Variants in RCN1 observed in about 807,000 individuals in gnomAD.
The protein encoded by RCN1 is reticulocalbin-1.
In RCN1, 14 loss-of-function variants were observed where a neutral mutation model predicts 34.7. The ratio of observed to expected loss-of-function variants is 0.40; its 90% CI spans 0.27 to 0.63. The LOEUF (loss-of-function observed/expected upper bound fraction) is 0.63, where lower values mean the gene tolerates loss of function less well. RCN1 is among the 30% of genes least tolerant of loss of function. The pLI is 0.37. For missense variants in RCN1, 326 were observed against 425.1 expected, an observed-to-expected ratio of 0.77 and a Z score of 2.05; for synonymous variants, 125 against 165.5, an observed-to-expected ratio of 0.76 and a Z score of 1.88.
At chr11:32,091,571 T>C in intron 1 of RCN1, 121 bp downstream of exon 1, 3 of 1,311,338 alleles carry the variant, frequency 2.3e-6, no homozygotes, top group South Asian at 1.5e-5. Flanking sequence ...GCCTCGAGGA[T>C]GGGGCCCTGC....
At chr11:32,100,671 GTC>G (rs1852027548) in intron 4 of RCN1, 63 bp downstream of exon 4, 4 of 1,334,734 alleles carry the variant, frequency 3.0e-6, no homozygotes, top group Non-Finnish European at 4.3e-6. Context: ...CCACCCACAC[GTC>G]TGGCTACTTT....
chr11:32,091,176 G>C lies in RCN1; in HGVS notation c.-21G>C. ...GTCGCTCGCTCAGCGTCTCCCTCTC[G>C]GCCGCCCTCTCCTCGGGACGATGGC... On this transcript the variant is annotated 5_prime_UTR_variant, in exon 1 of 6. Transcript: ENST00000054950. 2.1e-6 allele frequency: 3 copies of C among 1,402,466 alleles called. No homozygotes were observed. Among genetic ancestry groups the C allele is most frequent in the Non-Finnish European group, 2.8e-6 (3 of 1,084,838 alleles). The allele number at this position is 1,402,466 out of a possible 1,614,324, so 86.9% of individuals were successfully genotyped here.
Position 32,104,365 on chromosome 11 carries a change from G to A in RCN1, c.889G>A (p.Asp297Asn). The A allele has an allele frequency of 1.3e-6, 2 of 1,554,850 alleles. No individual in the cohort carries two copies. The highest frequency in any genetic ancestry group is 1.8e-6 in the Non-Finnish European group (2 of 1,126,392). Residue 297 changes from aspartate to asparagine, a missense_variant and splice_region_variant, in exon 6 of 6, where the codon GAT (aspartate) becomes AAT (asparagine). Transcript: ENST00000054950. ...HLVYESDKNK[D>N]EKLTKEEILE... is the part of the protein sequence containing the mutation. ...CAGTGCTCTTTGATCTCTTCTATAG[G>A]ATGAGAAGCTAACTAAAGAGGAAAT...
At chr11:32,099,928 G>A (rs1257767454) in intron 3 of RCN1, among the ~76,000 whole-genome samples, 4 of 152,268 alleles carry the variant, frequency 2.6e-5, no homozygotes, top group South Asian at 4.2e-4. Flanking sequence ...CTTTGGGAGT[G>A]GCTCTCTGCT....
At chr11:32,103,521 A>C (rs754445388) in intron 5 of RCN1, 41 bp downstream of exon 5, 8 of 1,554,800 alleles carry the variant, frequency 5.1e-6, no homozygotes, top group Non-Finnish European at 7.1e-6. Flanking sequence ...GAAGGGAGAC[A>C]GTTTACATAA....
At chr11:32,096,631 T>A (rs192797203) in intron 1 of RCN1, 282 of 152,518 alleles carry the variant, frequency 1.8e-3, no homozygotes, top group Middle Eastern at 6.8e-3. Flanking sequence ...ATCTTTTGAT[T>A]TACATACAGT....
At chr11:32,097,534 A>G (rs1348990651) in intron 2 of RCN1, among the ~76,000 whole-genome samples, 197 bp downstream of exon 2, 2 of 152,108 alleles carry the variant, frequency 1.3e-5, no homozygotes, top group African/African-American at 4.8e-5. Context: ...TACAGGTGGG[A>G]GGGAAGGGCT....
chr11:32,092,952 T>C (rs535972320), intron 1 of RCN1, among the ~76,000 whole-genome samples: 2 of 152,338 alleles, frequency 1.3e-5, no homozygotes, highest in Non-Finnish European at 1.5e-5. Flanking sequence ...CAAAGTCACC[T>C]CCAAACAATT....
intron 2 of RCN1, among the ~76,000 whole-genome samples, chr11:32,098,130 G>C (rs906322031): frequency 6.6e-6 from 1 of 152,200 alleles, no homozygotes; most frequent in Admixed American, 6.5e-5. Context: ...TTAACCACTT[G>C]CAGTAATTCC....
At chr11:32,098,725 T>C (rs2133475490) in intron 3 of RCN1, among the ~76,000 whole-genome samples, 197 bp downstream of exon 3, 1 of 152,246 alleles carries the variant, frequency 6.6e-6, no homozygotes, top group East Asian at 1.9e-4. Flanking sequence ...AGCCCCCAGT[T>C]GTAGCCATTT....
intron 1 of RCN1, among the ~76,000 whole-genome samples, chr11:32,091,961 G>T (rs975840504): frequency 6.6e-6 from 1 of 152,164 alleles, no homozygotes; most frequent in Non-Finnish European, 1.5e-5. Context: ...TCCTGGTCTC[G>T]GCCGCAGTGG....
chr11:32,095,482 AC>A (rs1482223699), intron 1 of RCN1, among the ~76,000 whole-genome samples: 1 of 151,864 alleles, frequency 6.6e-6, no homozygotes, highest in Non-Finnish European at 1.5e-5. Context: ...ATCTCGGCTC[AC>A]TGCAAGCTCA....
At chr11:32,099,269 C>G (rs1394950607) in intron 3 of RCN1, among the ~76,000 whole-genome samples, 1 of 151,362 alleles carries the variant, frequency 6.6e-6, no homozygotes, top group Non-Finnish European at 1.5e-5. Flanking sequence ...TGCAGTGAGC[C>G]GAGATCGTGC....
Position 32,103,374 on chromosome 11 carries a change from A to T in RCN1, c.782A>T (p.Asp261Val), listed in dbSNP as rs1268945437. The T allele has an allele frequency of 5.6e-6, 9 of 1,613,546 alleles. No homozygotes were observed. The highest frequency in any genetic ancestry group is 7.6e-6 in the Non-Finnish European group (9 of 1,179,570). ...QFNEFRDLNK[D>V]GKLDKDEIRH... ...AACGAATTCCGGGATCTGAACAAGG[A>T]CGGGAAGTTAGACAAAGATGAGATT... The change falls in exon 5 of 6, where the codon GAC (aspartate) becomes GTC (valine). Residue 261 changes from aspartate (D) to valine (V), a missense_variant. Transcript: ENST00000054950.
intron 4 of RCN1, among the ~76,000 whole-genome samples, chr11:32,100,970 G>C (rs1305189942): frequency 6.6e-6 from 1 of 152,182 alleles, no homozygotes; most frequent in African/African-American, 2.4e-5. Flanking sequence ...TCAGGGCAAA[G>C]CCTCTAAAAC....
At position 32,095,509 on chromosome 11, in the gene RCN1, G is replaced by A. The variant is rs544799575; in HGVS notation, c.255-1635G>A. Among the ~76,000 whole-genome samples, 31 of 152,190 alleles carry A rather than the reference G, an allele frequency of 2.0e-4. 1 individual carries two copies. The South Asian group carries it at 5.8e-3, about 29-fold the overall frequency. The stretch of plus-strand genomic sequence containing the variant: ...TGCAAGCTCAGCTTCCCAGGTTCAC[G>A]CCATTCTCCTGCTTCAGCCTCCCGA... On this transcript the variant is annotated intron_variant, in intron 1 of 5. Coordinates refer to ENST00000054950, the MANE Select transcript of RCN1 (RefSeq NM_002901.4).
At chr11:32,103,572 T>C (rs914663899) in intron 5 of RCN1, 92 bp downstream of exon 5, 17 of 1,095,476 alleles carry the variant, frequency 1.6e-5, no homozygotes, top group African/African-American at 1.5e-4. Context: ...CATTGACCCA[T>C]GTGGCCATGT....
Position 32,091,233 on chromosome 11 carries a change from G to T in RCN1, c.37G>T (p.Ala13Ser), listed in dbSNP as rs778835942. 3 of 1,524,302 alleles carry T rather than the reference G, an allele frequency of 2.0e-6. No individual in the cohort carries two copies. Among genetic ancestry groups the T allele is most frequent in the South Asian group, 2.5e-5 (2 of 80,150 alleles). 94.4% of individuals were successfully genotyped at this position (1,524,302 alleles called of 1,614,324 possible). A position where few individuals can be genotyped will look rare whatever the true frequency, so the allele number is the denominator to read the frequency against. ...TGGCCGCGGCCGCCGCCTGGGGTTA[G>T]CCCTGGGGCTGCTGCTGGCGCTGGT... ...RGGRGRRLGL[A>S]LGLLLALVLA... The change falls in exon 1 of 6, where the codon GCC (alanine) becomes TCC (serine). Residue 13 changes from alanine (A) to serine (S), a missense_variant. Coordinates refer to ENST00000054950, the MANE Select transcript of RCN1 (RefSeq NM_002901.4).
chr11:32,102,187 C>G (rs916987051), intron 4 of RCN1: 3 of 151,960 alleles, frequency 2.0e-5, no homozygotes, highest in African/African-American at 4.8e-5. Context: ...AATTAGGAAC[C>G]CTACCTTCAC....
Sources: gnomAD v4.1 joint callset for allele counts (sites outside exome capture counted in the v4.1 genomes callset) on GRCh38, gnomAD v4.1.1 for gene constraint, MANE v1.5 for transcripts, NCBI Gene and HGNC (gene_info 2026-07-23, HGNC 2026-07-21) for gene names.